The following SYBU variants were observed in gnomAD, a reference collection of about 807,000 sequenced individuals.
The protein encoded by SYBU is GOLSYN A protein.
Under a neutral mutation model 35.9 loss-of-function variants are expected in SYBU, and 21 were observed. The observed-to-expected ratio is 0.58, with a 90% CI of 0.41 to 0.84. SYBU has a LOEUF of 0.84. Among genes scored for constraint, SYBU ranks in the 40% least tolerant of loss-of-function variants. SYBU has a pLI of 0.00. For synonymous variants in SYBU, 319 were observed against 324.3 expected, an observed-to-expected ratio of 0.98 and a Z score of 0.18; for missense variants, 768 against 848.2, an observed-to-expected ratio of 0.91 and a Z score of 1.17.
chr8:109,610,900 C>T (rs1811094841), intron 3 of SYBU, among the ~76,000 whole-genome samples: 1 of 152,212 alleles, frequency 6.6e-6, no homozygotes, highest in African/African-American at 2.4e-5. Context: ...TGGCCCCAAG[C>T]TGTTGCCAGC....
chr8:109,624,626 A>T (rs1160485969), intron 2 of SYBU, among the ~76,000 whole-genome samples: 1 of 152,186 alleles, frequency 6.6e-6, no homozygotes, highest in Non-Finnish European at 1.5e-5. Flanking sequence ...AACCCCTCTG[A>T]TGGGATGTGA....
intron 3 of SYBU, among the ~76,000 whole-genome samples, chr8:109,604,439 C>CAT (rs1825857531): frequency 6.6e-6 from 1 of 152,186 alleles, no homozygotes; most frequent in Non-Finnish European, 1.5e-5. Context: ...CATATCACAA[C>CAT]ATACAGGGAT....
At chr8:109,636,133 C>T (rs1347991382) in intron 2 of SYBU, among the ~76,000 whole-genome samples, 2 of 152,152 alleles carry the variant, frequency 1.3e-5, no homozygotes, top group Non-Finnish European at 2.9e-5. Flanking sequence ...TCTTGCATAA[C>T]CTGACCTGCC....
At chr8:109,608,084 C>T in intron 3 of SYBU, 1 of 755,996 alleles carries the variant, frequency 1.3e-6, no homozygotes, top group South Asian at 2.2e-5. Context: ...ATGTGCAGGG[C>T]AAGGAAGTTA....
intron 2 of SYBU, among the ~76,000 whole-genome samples, chr8:109,625,523 G>A (rs920137226): frequency 1.3e-5 from 2 of 152,092 alleles, no homozygotes; most frequent in Non-Finnish European, 2.9e-5. Flanking sequence ...CCTGGCTCAC[G>A]TGATTATTCC....
intron 2 of SYBU, among the ~76,000 whole-genome samples, chr8:109,635,202 T>A (rs1008182253): frequency 1.3e-5 from 2 of 152,230 alleles, no homozygotes; most frequent in Admixed American, 1.3e-4. Context: ...CTGCTGAAGA[T>A]GACTGATAAC....
intron 3 of SYBU, among the ~76,000 whole-genome samples, chr8:109,598,345 T>C (rs1270423064): frequency 6.6e-6 from 1 of 152,276 alleles, no homozygotes; most frequent in Non-Finnish European, 1.5e-5. Context: ...ATGCTGCATG[T>C]AATTGACAAT....
At position 109,579,942 on chromosome 8, in the gene SYBU, T is replaced by C; in HGVS notation, c.591A>G (p.Ser197=). 6.2e-7 allele frequency: 1 copy of C among 1,613,838 alleles called. No homozygotes were observed. The highest frequency in any genetic ancestry group is 8.5e-7 in the Non-Finnish European group (1 of 1,180,022). Residue 197 remains serine, a synonymous_variant, in exon 5 of 7, where the codon TCA becomes TCG. Coordinates refer to ENST00000276646, the MANE Select transcript of SYBU (RefSeq NM_001099754.2). ...ACAGAAGGTCCTTTTCCCGCGGGGA[T>C]GATGGGCTGCTGCCAGGCTTGTGTG... ...ASSHKPGSSP[S]SPREKDLLSM...
chr8:109,667,089 A>G (rs904687081), intron 1 of SYBU, among the ~76,000 whole-genome samples: 1 of 152,184 alleles, frequency 6.6e-6, no homozygotes, highest in African/African-American at 2.4e-5. Flanking sequence ...AAGGATGTTT[A>G]CTAAAATTAT....
intron 6 of SYBU, 33 bp downstream of exon 6, chr8:109,577,835 C>T (rs1404952244): frequency 6.3e-7 from 1 of 1,583,114 alleles, no homozygotes; most frequent in Non-Finnish European, 8.6e-7. Context: ...AGAAGTTGTC[C>T]TACACCCCAC....
chr8:109,651,062 A>C (rs1407850016), intron 1 of SYBU, among the ~76,000 whole-genome samples: 2 of 152,218 alleles, frequency 1.3e-5, no homozygotes, highest in African/African-American at 4.8e-5. Flanking sequence ...TCAGGGACTG[A>C]TCTGAGATAC....
chr8:109,673,972 G>A (rs925260590), intron 1 of SYBU, among the ~76,000 whole-genome samples: 16 of 152,038 alleles, frequency 1.1e-4, no homozygotes, highest in Admixed American at 2.6e-4. Context: ...ATGAAGACAA[G>A]ATTAGAGAAA....
intron 1 of SYBU, among the ~76,000 whole-genome samples, chr8:109,659,942 A>C (rs1816500815): frequency 6.6e-6 from 1 of 152,174 alleles, no homozygotes; most frequent in African/African-American, 2.4e-5. Flanking sequence ...GTTTCATAAA[A>C]AAGAACAAAA....
At chr8:109,619,065 TTAA>T in intron 2 of SYBU, 26 bp from the exon 3 acceptor site, 1 of 1,584,446 alleles carries the variant, frequency 6.3e-7, no homozygotes, top group Non-Finnish European at 8.7e-7. Flanking sequence ...CAATAAGTGT[TTAA>T]TGATGAGGAG....
At chr8:109,656,342 T>C (rs2130730227) in intron 1 of SYBU, among the ~76,000 whole-genome samples, 1 of 152,274 alleles carries the variant, frequency 6.6e-6, no homozygotes, top group South Asian at 2.1e-4. Flanking sequence ...TTTGCATATA[T>C]TTTTTTCTGT....
At chr8:109,587,858 A>G (rs1292440303) in intron 3 of SYBU, among the ~76,000 whole-genome samples, 2 of 152,224 alleles carry the variant, frequency 1.3e-5, no homozygotes, top group South Asian at 2.1e-4. Context: ...GAGACCAGCT[A>G]TTCCTTCTGG....
At position 109,688,771 on chromosome 8, in the gene SYBU, T is replaced by TA. The variant is rs370179411; in HGVS notation, c.-58+2561dup. 5.4e-3 allele frequency among the ~76,000 whole-genome samples: 748 copies of TA among 137,468 alleles called. 2 individuals carry two copies. The highest frequency in any genetic ancestry group is 0.01 in the African/African-American group (375 of 36,748). The allele number at this position is 137,468 out of a possible 152,430, so 90.2% of individuals were successfully genotyped here. On this transcript the variant is annotated intron_variant, in intron 1 of 7. Transcript: ENST00000422135. Reference sequence around the variant, plus strand: ...CAAAACCTCAGTATTTTTACACAGATAAAAAAAAAAAGAGAGAGAAGAAAA... The same window carrying TA: ...CAAAACCTCAGTATTTTTACACAGATAAAAAAAAAAAAGAGAGAGAAGAAAA...
chr8:109,653,093 C>A (rs951329670), intron 1 of SYBU, among the ~76,000 whole-genome samples: 9 of 152,140 alleles, frequency 5.9e-5, no homozygotes, highest in African/African-American at 2.2e-4. Flanking sequence ...TATGTAATTC[C>A]ATTTTAGCTG....
At chr8:109,620,991 C>T (rs1365790212) in intron 2 of SYBU, among the ~76,000 whole-genome samples, 1 of 152,206 alleles carries the variant, frequency 6.6e-6, no homozygotes, top group African/African-American at 2.4e-5. Context: ...GAAATCTAAT[C>T]ATTCAACATT....
Sources: gnomAD v4.1 joint callset for allele counts (sites outside exome capture counted in the v4.1 genomes callset) on GRCh38, gnomAD v4.1.1 for gene constraint, MANE v1.5 for transcripts, NCBI Gene and HGNC (gene_info 2026-07-23, HGNC 2026-07-21) for gene names.